The following FGGY variants were observed in gnomAD, a reference collection of about 807,000 sequenced individuals.
The protein encoded by FGGY is FGGY carbohydrate kinase domain-containing protein.
In FGGY, 72 loss-of-function variants were observed where a neutral mutation model predicts 71.3. The ratio of observed to expected loss-of-function variants is 1.01; its 90% CI spans 0.84 to 1.23. The LOEUF (loss-of-function observed/expected upper bound fraction) is 1.23. FGGY is among the 50% of genes most tolerant of loss of function. The pLI is 0.00. For missense variants in FGGY, 668 were observed against 682.3 expected, an observed-to-expected ratio of 0.98 and a Z score of 0.23; for synonymous variants, 251 against 250.3, an observed-to-expected ratio of 1.00 and a Z score of -0.02.
At chr1:59,559,182 G>A (rs2153713908) in intron 8 of FGGY, among the ~76,000 whole-genome samples, 1 of 152,302 alleles carries the variant, frequency 6.6e-6, no homozygotes, top group East Asian at 1.9e-4. Flanking sequence ...GTAAAGACAG[G>A]CATAAGAAAT....
intron 5 of FGGY, among the ~76,000 whole-genome samples, chr1:59,438,442 T>C (rs1477410429): frequency 2.6e-5 from 4 of 152,216 alleles, no homozygotes; most frequent in Non-Finnish European, 5.9e-5. Context: ...AGGCATATCA[T>C]AGATTTTTTA....
chr1:59,299,140 A>G (rs2042385361), intron 1 of FGGY, among the ~76,000 whole-genome samples: 1 of 152,246 alleles, frequency 6.6e-6, no homozygotes. Context: ...CCAGAAGGGA[A>G]TACTGGAGCC....
chr1:59,456,374 A>T (rs552916420), intron 5 of FGGY, among the ~76,000 whole-genome samples: 1 of 152,226 alleles, frequency 6.6e-6, no homozygotes, highest in African/African-American at 2.4e-5. Flanking sequence ...CACAAATGTC[A>T]TGTAAACGTA....
At chr1:59,297,484 G>A (rs756812975) in intron 1 of FGGY, among the ~76,000 whole-genome samples, 25 of 151,526 alleles carry the variant, frequency 1.6e-4, no homozygotes, top group Non-Finnish European at 2.8e-4. Context: ...GAGTAGAAAG[G>A]CCTAGGGATA....
chr1:59,437,171 G>A (rs2068647757), intron 5 of FGGY, among the ~76,000 whole-genome samples: 1 of 152,124 alleles, frequency 6.6e-6, no homozygotes, highest in South Asian at 2.1e-4. Flanking sequence ...GATTTTTATT[G>A]TTTCCTGAGG....
At chr1:59,348,516 G>A (rs960995076) in intron 4 of FGGY, among the ~76,000 whole-genome samples, 1 of 152,110 alleles carries the variant, frequency 6.6e-6, no homozygotes, top group Non-Finnish European at 1.5e-5. Flanking sequence ...AGTCCTTTGG[G>A]AATCTCAAGG....
At chr1:59,304,496 G>A (rs1318115803) in intron 1 of FGGY, among the ~76,000 whole-genome samples, 2 of 151,974 alleles carry the variant, frequency 1.3e-5, no homozygotes, top group South Asian at 4.1e-4. Flanking sequence ...TTGAAATTGG[G>A]AAGTGTGATG....
chr1:59,657,426 G>A (rs989684735), intron 11 of FGGY, among the ~76,000 whole-genome samples: 1 of 152,186 alleles, frequency 6.6e-6, no homozygotes, highest in Non-Finnish European at 1.5e-5. Flanking sequence ...AATAGCAGAG[G>A]TGCTGTTGAG....
chr1:59,595,256 C>T (rs931518377), intron 8 of FGGY, among the ~76,000 whole-genome samples: 2 of 152,154 alleles, frequency 1.3e-5, no homozygotes, highest in East Asian at 1.9e-4. Context: ...ATAGTAGCTG[C>T]TTGGCAAATG....
At chr1:59,347,368 T>C (rs1276859875) in intron 4 of FGGY, among the ~76,000 whole-genome samples, 1 of 151,804 alleles carries the variant, frequency 6.6e-6, no homozygotes, top group Admixed American at 6.6e-5. Context: ...GTCCTTGTGA[T>C]AGTTTGCTGA....
intron 2 of FGGY, among the ~76,000 whole-genome samples, chr1:59,326,781 A>C (rs1367058363): frequency 6.6e-6 from 1 of 151,898 alleles, no homozygotes; most frequent in East Asian, 1.9e-4. Context: ...GCCCTTCAAC[A>C]TCTATCACTC....
chr1:59,435,566 C>T (rs998673158), intron 5 of FGGY, among the ~76,000 whole-genome samples: 5 of 152,130 alleles, frequency 3.3e-5, no homozygotes, highest in Non-Finnish European at 5.9e-5. Context: ...TGCCCCTTTG[C>T]AGCCACTCTC....
intron 14 of FGGY, among the ~76,000 whole-genome samples, chr1:59,745,661 A>G (rs2098190296): frequency 6.6e-6 from 1 of 152,218 alleles, no homozygotes; most frequent in South Asian, 2.1e-4. Context: ...TATCCTGGCT[A>G]AATGTTTCTG....
At chr1:59,668,477 C>T (rs534083300) in intron 13 of FGGY, among the ~76,000 whole-genome samples, 1 of 152,304 alleles carries the variant, frequency 6.6e-6, no homozygotes, top group Non-Finnish European at 1.5e-5. Context: ...TCATCCCCTA[C>T]TTTCTTACCT....
At chr1:59,748,185 G>A (rs931663130) in intron 14 of FGGY, among the ~76,000 whole-genome samples, 3 of 152,028 alleles carry the variant, frequency 2.0e-5, no homozygotes, top group Non-Finnish European at 2.9e-5. Context: ...GAAAGCCAAC[G>A]ACTCCACTTT....
At chr1:59,426,261 G>A (rs2066347297) in intron 5 of FGGY, among the ~76,000 whole-genome samples, 1 of 152,134 alleles carries the variant, frequency 6.6e-6, no homozygotes, top group South Asian at 2.1e-4. Flanking sequence ...GCTCTTCTGG[G>A]ATTGAATTCC....
intron 6 of FGGY, chr1:59,474,288 A>C (rs1217999281): frequency 6.6e-6 from 1 of 152,230 alleles, no homozygotes; most frequent in African/African-American, 2.4e-5. Context: ...CCCAAAAGTG[A>C]GGTCACCCCC....
At chr1:59,711,853 A>G (rs970719696) in intron 14 of FGGY, among the ~76,000 whole-genome samples, 8 of 152,136 alleles carry the variant, frequency 5.3e-5, no homozygotes, top group Admixed American at 1.3e-4. Flanking sequence ...TGAGATTTGG[A>G]TGCGGACACA....
chr1:59,393,611 A>T (rs1045875550), intron 5 of FGGY, among the ~76,000 whole-genome samples: 3 of 150,668 alleles, frequency 2.0e-5, no homozygotes, highest in Non-Finnish European at 4.4e-5. Context: ...TCTCTTACTT[A>T]CTTTGGCCCA....
Sources: gnomAD v4.1 joint callset for allele counts (sites outside exome capture counted in the v4.1 genomes callset) on GRCh38, gnomAD v4.1.1 for gene constraint, MANE v1.5 for transcripts, NCBI Gene and HGNC (gene_info 2026-07-23, HGNC 2026-07-21) for gene names.